MAP3K13: variants seen among roughly 807,000 people sequenced by gnomAD.
MAP3K13 encodes the protein leucine zipper-bearing kinase.
In MAP3K13, 52 loss-of-function variants were observed where a neutral mutation model predicts 104.0. The observed-to-expected ratio is 0.50, with a 90% CI of 0.40 to 0.63. MAP3K13 has a LOEUF of 0.63. Ranked by LOEUF, MAP3K13 falls within the 20% of genes least tolerant of loss-of-function variation. The probability of loss-of-function intolerance (pLI) is 0.00; values close to 1 mark genes in which losing one functional copy is unlikely to be tolerated. For synonymous variants in MAP3K13, 394 were observed against 442.2 expected, an observed-to-expected ratio of 0.89 and a Z score of 1.37; for missense variants, 914 against 1,218.5, an observed-to-expected ratio of 0.75 and a Z score of 3.72.
upstream of MAP3K13, among the ~76,000 whole-genome samples, chr3:185,361,098 ATGTGTGTGTGTG>A (rs34760922): frequency 6.8e-6 from 1 of 146,624 alleles, no homozygotes; most frequent in Non-Finnish European, 1.5e-5. Flanking sequence ...ATATATATAT[ATGTGTGTGTGTG>A]TGTGTGTGTG....
At chr3:185,355,507 A>T (rs1723317451) in intron 2 of MAP3K13, among the ~76,000 whole-genome samples, 1 of 151,062 alleles carries the variant, frequency 6.6e-6, no homozygotes, top group South Asian at 2.1e-4. Flanking sequence ...AGTGGCGTAC[A>T]CCTGAAATCC....
chr3:185,294,433 G>A (rs939890299), intron 2 of MAP3K13, among the ~76,000 whole-genome samples: 1 of 152,154 alleles, frequency 6.6e-6, no homozygotes, highest in East Asian at 1.9e-4. Context: ...TTTAAACTGT[G>A]ATAGAAGGTT....
intron 2 of MAP3K13, among the ~76,000 whole-genome samples, chr3:185,302,623 C>T (rs1173627893): frequency 1.3e-5 from 2 of 151,854 alleles, no homozygotes; most frequent in Admixed American, 6.6e-5. Context: ...TTCTTAGTTT[C>T]GTTTTTCAGA....
rs923030886 is a variant in MAP3K13 at position 185,482,536 on chromosome 3, C to T, written c.*80C>T. ...CCCACCCCCAGACTCATCCCACTCT[C>T]TCCCAGCATTTTGTCTGGGAAGAGA... On this transcript the variant is annotated 3_prime_UTR_variant, in exon 14 of 14. Coordinates refer to ENST00000265026, the MANE Select transcript of MAP3K13 (RefSeq NM_004721.5). This position sits in a 1 kb window ranked among gnomAD's most constrained non-coding sequence, Gnocchi z 4.5. 9.6e-7 allele frequency: 1 copy of T among 1,043,812 alleles called. No individual in the cohort carries two copies. Among genetic ancestry groups the T allele is most frequent in the African/African-American group, 1.6e-5 (1 of 64,020 alleles). The allele number at this position is 1,043,812 out of a possible 1,614,324, so 64.7% of individuals were successfully genotyped here.
At position 185,473,305 on chromosome 3, in the gene MAP3K13, G is replaced by A. The variant is rs1339021350; in HGVS notation, c.1974G>A (p.Met658Ile). 6.2e-7 allele frequency: 1 copy of A among 1,614,164 alleles called. No homozygotes were observed. The highest frequency in any genetic ancestry group is 8.5e-7 in the Non-Finnish European group (1 of 1,180,036). ...MSQSHHPRLN[M>I]HGQDIATCAN... is the part of the protein sequence containing the mutation. ...AGAGTCACCATCCCAGACTCAATAT[G>A]CACGGACAGGACATAGCAACCTGCG... Residue 658 changes from methionine (M) to isoleucine (I), a missense_variant, in exon 11 of 14, where the codon ATG becomes ATA. Transcript: ENST00000265026. The surrounding 1 kb of genome is among the most constrained non-coding windows in gnomAD (Gnocchi z 4.9).
rs1718563338 is a variant in MAP3K13 at position 185,483,251 on chromosome 3, T to C, written c.*795T>C. On this transcript the variant is annotated 3_prime_UTR_variant, in exon 14 of 14. Coordinates refer to ENST00000265026, the MANE Select transcript of MAP3K13 (RefSeq NM_004721.5). ...TTGGTAGTGAGGTTTACAGATAGTG[T>C]CAAATCTTGTTTTTGGCAAATACGT... The C allele has an allele frequency of 4.3e-6, 1 of 232,772 alleles. No individual in the cohort carries two copies. The highest frequency in any genetic ancestry group is 5.6e-5 in the Admixed American group (1 of 17,762). 14.4% of individuals were successfully genotyped at this position (232,772 alleles called of 1,614,324 possible). A position where few individuals can be genotyped will look rare whatever the true frequency, so the allele number is the denominator to read the frequency against.
intron 2 of MAP3K13, among the ~76,000 whole-genome samples, chr3:185,298,963 C>T (rs1273440525): frequency 6.6e-6 from 1 of 152,186 alleles, no homozygotes; most frequent in African/African-American, 2.4e-5. Context: ...TATCTTAACA[C>T]GTTCCAAACG....
intron 2 of MAP3K13, among the ~76,000 whole-genome samples, chr3:185,327,801 A>T (rs529517864): frequency 1.6e-4 from 25 of 152,172 alleles, no homozygotes; most frequent in Admixed American, 3.3e-4. Flanking sequence ...AGTCTCAGGT[A>T]TTCGGGAGGC....
chr3:185,451,560 C>T lies in MAP3K13; in HGVS notation c.1278+165C>T, dbSNP rs145767748. Reference sequence around the variant, plus strand: ...CTTCACACATATGACATCTTAAGAGCTTTTAAAGCACTTAACATTATTATT... The same window carrying T: ...CTTCACACATATGACATCTTAAGAGTTTTTAAAGCACTTAACATTATTATT... On this transcript the variant is annotated intron_variant, in intron 7 of 13. Transcript: ENST00000265026. The T allele has an allele frequency of 9.9e-4, 539 of 543,252 alleles. 5 individuals are homozygous for T. Among genetic ancestry groups the T allele is most frequent in the African/African-American group, 9.0e-3 (471 of 52,580 alleles). The allele number at this position is 543,252 out of a possible 1,614,324, so 33.7% of individuals were successfully genotyped here.
intron 7 of MAP3K13, among the ~76,000 whole-genome samples, chr3:185,458,782 T>G (rs771741881): frequency 6.6e-6 from 1 of 152,362 alleles, no homozygotes; most frequent in East Asian, 1.9e-4. Context: ...AGAGTCCAGC[T>G]GACTCCTTCC....
intron 12 of MAP3K13, among the ~76,000 whole-genome samples, chr3:185,478,887 A>AC (rs1351372939): frequency 1.4e-3 from 218 of 152,116 alleles, no homozygotes; most frequent in African/African-American, 5.1e-3. Flanking sequence ...AAAAAAAAGA[A>AC]AAAAACAAAA....
chr3:185,472,872 C>A (rs1403840074), intron 10 of MAP3K13, 103 bp from the exon 11 acceptor site: 2 of 1,048,530 alleles, frequency 1.9e-6, no homozygotes, highest in Non-Finnish European at 2.8e-6. Flanking sequence ...ATCCTGATGA[C>A]TGCTGATTCA....
intron 2 of MAP3K13, among the ~76,000 whole-genome samples, chr3:185,334,005 G>A (rs1276365928): frequency 1.3e-5 from 2 of 152,132 alleles, no homozygotes; most frequent in East Asian, 3.8e-4. Context: ...AGTGAGCTAT[G>A]GTCATGCCAC....
intron 1 of MAP3K13, among the ~76,000 whole-genome samples, chr3:185,403,080 C>T (rs189022701): frequency 2.6e-5 from 4 of 152,240 alleles, no homozygotes; most frequent in Admixed American, 6.5e-5. Flanking sequence ...TAAGAAAAAC[C>T]GTGCCAAACC....
At chr3:185,379,408 T>C (rs1724595891) in intron 1 of MAP3K13, among the ~76,000 whole-genome samples, 1 of 151,182 alleles carries the variant, frequency 6.6e-6, no homozygotes, top group Non-Finnish European at 1.5e-5. Context: ...GAGAAAGAGG[T>C]TGAGGGATAG....
At chr3:185,300,854 T>C (rs575130880) in intron 2 of MAP3K13, among the ~76,000 whole-genome samples, 31 of 152,344 alleles carry the variant, frequency 2.0e-4, no homozygotes, top group Admixed American at 1.6e-3. Flanking sequence ...TCTTTATTCA[T>C]CTGTTGGTGG....
intron 8 of MAP3K13, among the ~76,000 whole-genome samples, chr3:185,465,391 A>G (rs754887005): frequency 6.6e-6 from 1 of 152,194 alleles, no homozygotes; most frequent in Non-Finnish European, 1.5e-5. Flanking sequence ...GGCCGTGGCT[A>G]AGTGTAAATG....
chr3:185,471,806 CTTGGTAGCCA>C (rs1717811081), intron 10 of MAP3K13, among the ~76,000 whole-genome samples: 2 of 152,186 alleles, frequency 1.3e-5, no homozygotes, highest in African/African-American at 4.8e-5. Context: ...AGTTCCACCT[CTTGGTAGCCA>C]TTGCTTTAAT....
chr3:185,396,849 A>G (rs1712454356), intron 1 of MAP3K13, among the ~76,000 whole-genome samples: 1 of 152,122 alleles, frequency 6.6e-6, no homozygotes, highest in African/African-American at 2.4e-5. Context: ...AGGCATGCAG[A>G]CCTTTTCATT....
Sources: allele counts gnomAD v4.1 joint callset (sites outside exome capture counted in the v4.1 genomes callset), GRCh38; gene constraint gnomAD v4.1.1; non-coding constraint Gnocchi (gnomAD v3.1); transcripts MANE v1.5; gene names NCBI Gene and HGNC (gene_info 2026-07-23, HGNC 2026-07-21).